KRT85: variants seen among roughly 807,000 people sequenced by gnomAD.
The protein encoded by KRT85 is keratin, type II cuticular Hb5.
Under a neutral mutation model 53.7 loss-of-function variants are expected in KRT85, and 39 were observed. The ratio of observed to expected loss-of-function variants is 0.73; its 90% CI spans 0.56 to 0.95. The LOEUF (loss-of-function observed/expected upper bound fraction) is 0.95, where lower values mean the gene tolerates loss of function less well. Among genes scored for constraint, KRT85 ranks in the 40% least tolerant of loss-of-function variants. The pLI is 0.00. For synonymous variants in KRT85, 291 were observed against 277.5 expected, an observed-to-expected ratio of 1.05 and a Z score of -0.48; for missense variants, 668 against 686.0, an observed-to-expected ratio of 0.97 and a Z score of 0.29.
At position 52,363,834 on chromosome 12, in the gene KRT85, A is replaced by G. The variant is rs144715282; in HGVS notation, c.786+234T>C. Among the ~76,000 whole-genome samples the G allele has an allele frequency of 2.3e-3, 354 of 152,342 alleles. 3 individuals carry two copies. Among genetic ancestry groups the G allele is most frequent in the African/African-American group, 8.3e-3 (344 of 41,580 alleles). ...TCACACAGGCAGCACACCAACATGC[A>G]GAGAGGTCACAGACACAGAGCAGCC... On this transcript the variant is annotated intron_variant, in intron 4 of 8. Transcript: ENST00000257901.
At position 52,360,519 on chromosome 12, in the gene KRT85, C is replaced by G; in HGVS notation, c.*334G>C. On this transcript the variant is annotated 3_prime_UTR_variant, in exon 9 of 9. Transcript: ENST00000257901. ...GCCTCCACCCAGAAGGTGGAGCTTC[C>G]GTGCTGACCACCACGCTGGGGGACT... 4 of 349,252 alleles carry G rather than the reference C, an allele frequency of 1.1e-5. No individual in the cohort carries two copies. Among genetic ancestry groups the G allele is most frequent in the South Asian group, 2.7e-5 (1 of 37,030 alleles). The allele number at this position is 349,252 out of a possible 1,614,324, so 21.6% of individuals were successfully genotyped here. A position where few individuals can be genotyped will look rare whatever the true frequency, so the allele number is the denominator to read the frequency against.
In KRT85 at chr12:52,366,992, G is replaced by C; in HGVS notation, c.414C>G (p.Ile138Met). 1.2e-6 allele frequency: 2 copies of C among 1,613,994 alleles called. No individual in the cohort carries two copies. The highest frequency in any genetic ancestry group is 1.7e-6 in the Non-Finnish European group (2 of 1,179,880). Residue 138 changes from isoleucine to methionine, a missense_variant, in exon 1 of 9, where the codon ATC becomes ATG. Physicochemically the swap from Ile to Met is conservative, Grantham distance 10. Transcript: ENST00000257901. ...CGTCTCAGGCCTCACCCACCTTGTC[G>C]ATGAAGGCCGCGAACCTGCTGTTGA... ...KSLNSRFAAFIDKVRFLEQQN... is the reference protein window; with the variant it reads ...KSLNSRFAAFMDKVRFLEQQN...
rs1283301893 is a variant in KRT85 at position 52,360,534 on chromosome 12, G to A, written c.*319C>T. ...GTGGAGCTTCCGTGCTGACCACCACGCTGGGGGACTGGTCTTGTCCCTGAG... is the reference window on the plus strand; with the variant it reads ...GTGGAGCTTCCGTGCTGACCACCACACTGGGGGACTGGTCTTGTCCCTGAG... On this transcript the variant is annotated 3_prime_UTR_variant, in exon 9 of 9. Transcript: ENST00000257901. The A allele has an allele frequency of 1.3e-5, 5 of 386,334 alleles. No homozygotes were observed. Among genetic ancestry groups the A allele is most frequent in the Middle Eastern group, 8.1e-4 (1 of 1,230 alleles). The allele number at this position is 386,334 out of a possible 1,614,324, so 23.9% of individuals were successfully genotyped here.
intron 5 of KRT85, 122 bp from the exon 6 acceptor site, chr12:52,363,101 C>T (rs1939218886): frequency 6.4e-7 from 1 of 1,551,002 alleles, no homozygotes; most frequent in Non-Finnish European, 8.9e-7. Context: ...GCAGTCCTGC[C>T]CTGCCACTTC....
Position 52,364,057 on chromosome 12 carries a change from T to A in KRT85, c.786+11A>T. The A allele has an allele frequency of 6.2e-7, 1 of 1,610,508 alleles. No individual in the cohort carries two copies. The highest frequency in any genetic ancestry group is 2.2e-5 in the East Asian group (1 of 44,870). ...CCACCTGCCCTGGCTGGGTGGCAGT[T>A]GCCCCCTTACCTCTTCATAGAGGCG... On this transcript the variant is annotated intron_variant, in intron 4 of 8. Coordinates refer to ENST00000257901, the MANE Select transcript of KRT85 (RefSeq NM_002283.4).
In KRT85 at chr12:52,362,844, C is replaced by A; in HGVS notation, c.1077+10G>T. On this transcript the variant is annotated intron_variant, in intron 6 of 8. Transcript: ENST00000257901. Reference sequence around the variant, plus strand: ...CTGTGCTGCGTATTTGAATCCTCCACAGACCCCACCTGGCACTTGGCATTC... The same window carrying A: ...CTGTGCTGCGTATTTGAATCCTCCAAAGACCCCACCTGGCACTTGGCATTC... 6.2e-7 allele frequency: 1 copy of A among 1,614,204 alleles called. No homozygotes were observed. Among genetic ancestry groups the A allele is most frequent in the African/African-American group, 1.3e-5 (1 of 75,042 alleles).
At position 52,367,327 on chromosome 12, in the gene KRT85, T is replaced by G; in HGVS notation, c.79A>C (p.Lys27Gln). 1 of 1,614,066 alleles carries G rather than the reference T, an allele frequency of 6.2e-7. No homozygotes were observed. Among genetic ancestry groups the G allele is most frequent in the Non-Finnish European group, 8.5e-7 (1 of 1,179,990 alleles). ...CTGATGCAGCAGCGGTTGCCAGTTTTGGGGGCCACAGCTGAGCAGGAGCTG... is the reference window on the plus strand; with the variant it reads ...CTGATGCAGCAGCGGTTGCCAGTTTGGGGGGCCACAGCTGAGCAGGAGCTG... ...NFSSCSAVAP[K>Q]TGNRCCISAA... Residue 27 changes from lysine (K) to glutamine (Q), a missense_variant, in exon 1 of 9, where the codon AAA becomes CAA. Coordinates refer to ENST00000257901, the MANE Select transcript of KRT85 (RefSeq NM_002283.4).
At chr12:52,362,598 A>T in intron 6 of KRT85, 127 bp from the exon 7 acceptor site, 1 of 1,282,366 alleles carries the variant, frequency 7.8e-7, no homozygotes, top group Admixed American at 2.0e-5. Flanking sequence ...CCAGGTAGTT[A>T]ATGGGGCTGT....
chr12:52,367,438 G>A lies in KRT85; in HGVS notation c.-33C>T, dbSNP rs528099862. 5 of 1,611,628 alleles carry A rather than the reference G, an allele frequency of 3.1e-6. No individual in the cohort carries two copies. The South Asian group carries it at 4.4e-5, about 14-fold the overall frequency. ...GGCTGAGCAGAGTCTGAGAGGCAGC[G>A]GAAGGTGGTGCGGGCGGCAGAGTGC... On this transcript the variant is annotated 5_prime_UTR_variant, in exon 1 of 9. Transcript: ENST00000257901.
At position 52,367,174 on chromosome 12, in the gene KRT85, G is replaced by A. The variant is rs781497688; in HGVS notation, c.232C>T (p.Arg78Cys). The A allele has an allele frequency of 5.0e-6, 8 of 1,613,660 alleles. No individual in the cohort carries two copies. Among genetic ancestry groups the A allele is most frequent in the African/African-American group, 1.3e-5 (1 of 74,930 alleles). The change falls in exon 1 of 9, where the codon CGC becomes TGC. Residue 78 changes from arginine (R) to cysteine (C), a missense_variant. Coordinates refer to ENST00000257901, the MANE Select transcript of KRT85 (RefSeq NM_002283.4). ...VGGFRAGSCG[R>C]SFGYRSGGVC... ...CCCCCGGAGCGGTAGCCGAAGCTGC[G>A]TCCGCAGGAGCCGGCTCGGAAGCCA... is the stretch of plus-strand genomic sequence containing the variant.
At position 52,360,591 on chromosome 12, in the gene KRT85, T is replaced by C; in HGVS notation, c.*262A>G. ...GGGAATAATACAAATTGGATACAGG[T>C]ATTTTGGAGCTAAGTAGGAGTTAAG... On this transcript the variant is annotated 3_prime_UTR_variant, in exon 9 of 9. Transcript: ENST00000257901. 1.8e-5 allele frequency: 10 copies of C among 548,476 alleles called. No homozygotes were observed. In the South Asian group the frequency reaches 2.0e-4, roughly 11 times the overall value. The allele number at this position is 548,476 out of a possible 1,614,324, so 34.0% of individuals were successfully genotyped here.
Position 52,364,300 on chromosome 12 carries a change from C to T in KRT85, c.690+6G>A. 2 of 1,614,182 alleles carry T rather than the reference C, an allele frequency of 1.2e-6. No individual in the cohort carries two copies. The highest frequency in any genetic ancestry group is 8.5e-7 in the Non-Finnish European group (1 of 1,180,034). On this transcript the variant is annotated splice_donor_region_variant and intron_variant, in intron 3 of 8. Coordinates refer to ENST00000257901, the MANE Select transcript of KRT85 (RefSeq NM_002283.4). ...CCTCCTCCTTGCCCCATGACCAGCCCCTCACCTTCTTTAGAACGACAAACT... is the reference window on the plus strand; with the variant it reads ...CCTCCTCCTTGCCCCATGACCAGCCTCTCACCTTCTTTAGAACGACAAACT...
At chr12:52,366,901 C>G (rs1939280431) in intron 1 of KRT85, 85 bp downstream of exon 1, 1 of 1,609,406 alleles carries the variant, frequency 6.2e-7, no homozygotes, top group Non-Finnish European at 8.5e-7. Flanking sequence ...AAACCGGCAG[C>G]CATCCTGTCT....
At chr12:52,361,533 C>T (rs983951210) in intron 7 of KRT85, 35 bp from the exon 8 acceptor site, 1 of 1,605,174 alleles carries the variant, frequency 6.2e-7, no homozygotes, top group Non-Finnish European at 8.5e-7. Flanking sequence ...GTTCCAGACA[C>T]TGAGTTGGAT....
In KRT85 at chr12:52,365,166, C is replaced by T. The variant is rs767719087; in HGVS notation, c.425G>A (p.Arg142His). 1.6e-5 allele frequency: 26 copies of T among 1,614,046 alleles called. No homozygotes were observed. The highest frequency in any genetic ancestry group is 3.3e-5 in the Admixed American group (2 of 60,016). The change falls in exon 2 of 9, where the codon CGC (arginine) becomes CAC (histidine). Residue 142 changes from arginine to histidine, a missense_variant. By Grantham distance (29) the Arg-to-His change is conservative. Transcript: ENST00000257901. ...SRFAAFIDKV[R>H]FLEQQNKLLE... is the part of the protein sequence containing the mutation. ...CAGCTTGTTCTGCTGCTCCAGGAAG[C>T]GCACCTGCCATTCAGGTGGAAAGAA...
In KRT85 at chr12:52,362,372, G is replaced by C. The variant is rs768200717; in HGVS notation, c.1177C>G (p.Gln393Glu). The change falls in exon 7 of 9, where the codon CAG (glutamine) becomes GAG (glutamate). Residue 393 changes from glutamine (Q) to glutamate (E), a missense_variant. This residue lies in a region of KRT85 where 488 missense variants were observed against 498.1 expected (regional missense o/e 0.98). Coordinates refer to ENST00000257901, the MANE Select transcript of KRT85 (RefSeq NM_002283.4). Reference protein sequence around the residue: ...CKLAELEGALQKAKQDMACLL... With the variant: ...CKLAELEGALEKAKQDMACLL... ...CAGGCCATGTCCTGCTTGGCCTTCTGCAGGGCGCCCTCCAGCTCAGCCAGC... is the reference window on the plus strand; with the variant it reads ...CAGGCCATGTCCTGCTTGGCCTTCTCCAGGGCGCCCTCCAGCTCAGCCAGC... 6.2e-7 allele frequency: 1 copy of C among 1,614,202 alleles called. No individual in the cohort carries two copies. The highest frequency in any genetic ancestry group is 2.2e-5 in the East Asian group (1 of 44,874).
chr12:52,361,384 G>T (rs1034353462), intron 8 of KRT85, 83 bp downstream of exon 8: 1 of 1,281,228 alleles, frequency 7.8e-7, no homozygotes, highest in Non-Finnish European at 1.1e-6. Context: ...GGGAACACTC[G>T]AGGCTCCATG....
At chr12:52,363,012 G>C in intron 5 of KRT85, 33 bp from the exon 6 acceptor site, 1 of 1,614,044 alleles carries the variant, frequency 6.2e-7, no homozygotes, top group South Asian at 1.1e-5. Flanking sequence ...TGAGGCTCAG[G>C]GTGGGGCCCC....
At position 52,362,327 on chromosome 12, in the gene KRT85, C is replaced by T; in HGVS notation, c.1222G>A (p.Glu408Lys). ...AGGCCCAGCTTGGAGTTCATCACCT[C>T]CTGGTACTCCTTGAGCAGGCAGGCC... is the stretch of plus-strand genomic sequence containing the variant. The part of the protein sequence containing the change: ...DMACLLKEYQ[E>K]VMNSKLGLDI... The change falls in exon 7 of 9, where the codon GAG (glutamate) becomes AAG (lysine). Residue 408 changes from glutamate (E) to lysine (K), a missense_variant. Physicochemically the swap from Glu to Lys is moderately conservative, Grantham distance 56 (BLOSUM62 1). This residue lies in a region of KRT85 where 488 missense variants were observed against 498.1 expected (regional missense o/e 0.98). Coordinates refer to ENST00000257901, the MANE Select transcript of KRT85 (RefSeq NM_002283.4). The T allele has an allele frequency of 6.2e-7, 1 of 1,614,204 alleles. No homozygotes were observed. Among genetic ancestry groups the T allele is most frequent in the East Asian group, 2.2e-5 (1 of 44,864 alleles).
Sources: gnomAD v4.1 joint callset for allele counts (sites outside exome capture counted in the v4.1 genomes callset) on GRCh38, gnomAD v4.1.1 for gene constraint, gnomAD v4.1.1 regional missense constraint, MANE v1.5 for transcripts, NCBI Gene and HGNC (gene_info 2026-07-23, HGNC 2026-07-21) for gene names.